HAPLN1: variants seen among roughly 807,000 people sequenced by gnomAD.
HAPLN1 encodes hyaluronan and proteoglycan link protein 1.
Under a neutral mutation model 36.5 loss-of-function variants are expected in HAPLN1, and 13 were observed. The ratio of observed to expected loss-of-function variants is 0.36; its 90% CI spans 0.23 to 0.57. HAPLN1 has a LOEUF of 0.57. HAPLN1 is among the 20% of genes least tolerant of loss of function. The pLI, the probability that HAPLN1 is intolerant of heterozygous loss-of-function variation, is 0.83. For synonymous variants in HAPLN1, 202 were observed against 169.8 expected (o/e 1.19, Z -1.48); for missense variants, 407 against 439.7 (o/e 0.93, Z 0.66).
intron 1 of HAPLN1, among the ~76,000 whole-genome samples, chr5:83,707,490 T>C (rs1355139277): frequency 6.6e-6 from 1 of 152,132 alleles, no homozygotes; most frequent in Non-Finnish European, 1.5e-5. Flanking sequence ...GGGAAAAGAC[T>C]CCCTATACAA....
At chr5:83,694,736 T>G (rs1751353125) in intron 1 of HAPLN1, among the ~76,000 whole-genome samples, 1 of 152,064 alleles carries the variant, frequency 6.6e-6, no homozygotes, top group Non-Finnish European at 1.5e-5. Context: ...AAAAATCAAA[T>G]TTTTAGTTTA....
intron 2 of HAPLN1, among the ~76,000 whole-genome samples, chr5:83,653,256 G>A (rs1447494837): frequency 1.3e-5 from 2 of 152,148 alleles, no homozygotes; most frequent in Admixed American, 6.5e-5. Context: ...ACCCAGCTGG[G>A]CTTTCTAATA....
rs1750215949 is a variant in HAPLN1, at chr5:83,656,387, A to T, written c.101-3563T>A. Among the ~76,000 whole-genome samples, 4 of 150,966 alleles carry T rather than the reference A, an allele frequency of 2.6e-5. No homozygotes were observed. The South Asian group carries it at 8.3e-4, about 32-fold the overall frequency. The stretch of plus-strand genomic sequence containing the variant: ...TTAGCAGGCTGTGGCATAGCAATTG[A>T]AATGCAAAAGATAAAAATAAACCTT... On this transcript the variant is annotated intron_variant, in intron 2 of 4. Transcript: ENST00000274341.
chr5:83,659,115 A>T (rs560074128), intron 2 of HAPLN1, among the ~76,000 whole-genome samples: 1 of 152,222 alleles, frequency 6.6e-6, no homozygotes, highest in South Asian at 2.1e-4. Flanking sequence ...CTCTACTAAA[A>T]ATACAAAAAT....
chr5:83,677,032 T>G lies in HAPLN1; in HGVS notation c.-26-3483A>C, dbSNP rs575350247. Among the ~76,000 whole-genome samples the G allele has an allele frequency of 3.3e-5, 5 of 152,356 alleles. No individual in the cohort carries two copies. The East Asian group carries it at 5.8e-4, about 18-fold the overall frequency. On this transcript the variant is annotated intron_variant, in intron 1 of 4. Transcript: ENST00000274341. ...TGCAGATATACTAATATCAACAGTC[T>G]AATACCAAGATGGTCAACTGCTATT...
At chr5:83,702,307 G>A (rs1408379967) in intron 1 of HAPLN1, among the ~76,000 whole-genome samples, 2 of 152,096 alleles carry the variant, frequency 1.3e-5, no homozygotes, top group South Asian at 2.1e-4. Context: ...TCAAATATCC[G>A]GTATAAATTA....
At chr5:83,685,005 T>C (rs538741179) in intron 1 of HAPLN1, among the ~76,000 whole-genome samples, 57 of 152,308 alleles carry the variant, frequency 3.7e-4, no homozygotes, top group African/African-American at 1.2e-3. Flanking sequence ...GGTTAGCCTT[T>C]AGCTATTGGA....
At position 83,694,717 on chromosome 5, in the gene HAPLN1, C is replaced by A. The variant is rs184709312; in HGVS notation, c.-26-21168G>T. ...AACAAATAGCCTGAATGCCCTATAT[C>A]TATTTTTTAAAAATCAAATTTTTAG... On this transcript the variant is annotated intron_variant, in intron 1 of 4. Transcript: ENST00000274341. 6.0e-3 allele frequency among the ~76,000 whole-genome samples: 909 copies of A among 152,120 alleles called. 12 individuals carry two copies. The highest frequency in any genetic ancestry group is 0.021 in the African/African-American group (861 of 41,530).
intron 1 of HAPLN1, among the ~76,000 whole-genome samples, chr5:83,719,488 G>A (rs1580171728): frequency 6.6e-6 from 1 of 152,166 alleles, no homozygotes. Flanking sequence ...TTTTTAAAAT[G>A]GGTGGTATAA....
chr5:83,702,064 T>C (rs1248491560), intron 1 of HAPLN1, among the ~76,000 whole-genome samples: 2 of 152,060 alleles, frequency 1.3e-5, no homozygotes, highest in African/African-American at 4.8e-5. Context: ...CGGGAGGAAG[T>C]GTTACATGAA....
At chr5:83,653,493 T>C (rs999418562) in intron 2 of HAPLN1, among the ~76,000 whole-genome samples, 3 of 152,230 alleles carry the variant, frequency 2.0e-5, no homozygotes, top group African/African-American at 7.2e-5. Context: ...TTCCAGAAGA[T>C]TTTGAAATGT....
chr5:83,670,026 A>G (rs1750662663), intron 2 of HAPLN1, among the ~76,000 whole-genome samples: 2 of 152,180 alleles, frequency 1.3e-5, no homozygotes, highest in African/African-American at 4.8e-5. Context: ...AAGTAGTTAC[A>G]TGTTCATCTA....
chr5:83,664,649 C>T (rs1249078209), intron 2 of HAPLN1, among the ~76,000 whole-genome samples: 1 of 152,090 alleles, frequency 6.6e-6, no homozygotes, highest in East Asian at 1.9e-4. Context: ...TCCCAAAGTG[C>T]TGGGATTATA....
chr5:83,650,133 C>T (rs970019432), intron 3 of HAPLN1, among the ~76,000 whole-genome samples: 1 of 152,116 alleles, frequency 6.6e-6, no homozygotes, highest in Non-Finnish European at 1.5e-5. Context: ...AAAGCCTCTC[C>T]TCTACCAAAA....
At chr5:83,669,214 C>G (rs1028858969) in intron 2 of HAPLN1, among the ~76,000 whole-genome samples, 1 of 151,940 alleles carries the variant, frequency 6.6e-6, no homozygotes, top group African/African-American at 2.4e-5. Flanking sequence ...TTTAATGTGA[C>G]TGGGGAGGCT....
At chr5:83,641,825 A>G (rs777439808) in intron 4 of HAPLN1, 40 bp from the exon 5 acceptor site, 18 of 1,589,544 alleles carry the variant, frequency 1.1e-5, no homozygotes, top group Non-Finnish European at 1.5e-5. Flanking sequence ...GCTGGTCTTC[A>G]ATTGAGCCAC....
rs138108011 is a variant in HAPLN1, at chr5:83,664,782, G to A, written c.100+8642C>T. ...ATAATGAGTTATAAGAAAAAAGGCC[G>A]AAGTTCAGGAAGCTTTATTTTAGAA... is the stretch of plus-strand genomic sequence containing the variant. On this transcript the variant is annotated intron_variant, in intron 2 of 4. Transcript: ENST00000274341. Among the ~76,000 whole-genome samples the A allele has an allele frequency of 1.3e-3, 197 of 152,174 alleles. 1 individual carries two copies. Among genetic ancestry groups the A allele is most frequent in the African/African-American group, 4.6e-3 (189 of 41,506 alleles).
intron 2 of HAPLN1, among the ~76,000 whole-genome samples, chr5:83,672,852 A>G (rs1433732724): frequency 2.6e-5 from 4 of 152,190 alleles, no homozygotes; most frequent in Non-Finnish European, 2.9e-5. Flanking sequence ...AAATAGCTGC[A>G]TTGTACTGCA....
At chr5:83,712,015 C>T (rs1751795915) in intron 1 of HAPLN1, among the ~76,000 whole-genome samples, 1 of 152,184 alleles carries the variant, frequency 6.6e-6, no homozygotes, top group Admixed American at 6.5e-5. Flanking sequence ...AATTTGCAGA[C>T]AGACTCAGAA....
Sources: gnomAD v4.1 joint callset for allele counts (sites outside exome capture counted in the v4.1 genomes callset) on GRCh38, gnomAD v4.1.1 for gene constraint, MANE v1.5 for transcripts, NCBI Gene and HGNC (gene_info 2026-07-23, HGNC 2026-07-21) for gene names.